Variants in PNPLA2 observed in about 807,000 individuals in gnomAD.
PNPLA2 encodes patatin-like phospholipase domain-containing protein 2.
Under a neutral mutation model 39.7 loss-of-function variants are expected in PNPLA2, and 28 were observed. The ratio of observed to expected loss-of-function variants is 0.70; its 90% CI spans 0.52 to 0.97. The LOEUF (loss-of-function observed/expected upper bound fraction) is 0.97. Ranked by LOEUF, PNPLA2 falls within the 50% of genes least tolerant of loss-of-function variation. PNPLA2 has a pLI of 0.00. For synonymous variants in PNPLA2, 392 were observed against 321.1 expected (o/e 1.22, Z -2.36); for missense variants, 768 against 698.2 (o/e 1.10, Z -1.13).
rs1159950368 is a variant in PNPLA2, at chr11:821,758, C to T, written c.318C>T (p.Ser106=). The part of the protein sequence containing the change: ...SFLLKVLPAD[S]HEHASGRLGI... Reference sequence around the variant, plus strand: ...TGCTGAAGGTCCTGCCTGCTGATAGCCATGAGCATGCCAGTGGGCGCCTGG... The same window carrying T: ...TGCTGAAGGTCCTGCCTGCTGATAGTCATGAGCATGCCAGTGGGCGCCTGG... The change falls in exon 3 of 10, where the codon AGC becomes AGT. Residue 106 remains serine, a synonymous_variant. Coordinates refer to ENST00000336615, the MANE Select transcript of PNPLA2 (RefSeq NM_020376.4). 1.2e-6 allele frequency: 2 copies of T among 1,613,892 alleles called. No homozygotes were observed. The highest frequency in any genetic ancestry group is 1.6e-4 in the Middle Eastern group (1 of 6,082).
chr11:824,700 C>T lies in PNPLA2; in HGVS notation c.1353C>T (p.Asn451=). ...TGCTGCTCGGCCTCTTCTGCACCAA[C>T]GTGGCCTTCCCGCCCGAAGCTCTGC... ...RQLLLGLFCT[N]VAFPPEALRM... is the part of the protein sequence containing the mutation. Residue 451 remains asparagine, a synonymous_variant, in exon 10 of 10, where the codon AAC becomes AAT. Coordinates refer to ENST00000336615, the MANE Select transcript of PNPLA2 (RefSeq NM_020376.4). The T allele has an allele frequency of 1.3e-6, 2 of 1,593,322 alleles. No homozygotes were observed. The highest frequency in any genetic ancestry group is 1.7e-4 in the Middle Eastern group (1 of 5,976).
At chr11:822,291 G>T in intron 4 of PNPLA2, 106 bp from the exon 5 acceptor site, 1 of 1,037,568 alleles carries the variant, frequency 9.6e-7, no homozygotes. Flanking sequence ...CTCAAATGAG[G>T]TAGCCACTGA....
intron 5 of PNPLA2, among the ~76,000 whole-genome samples, chr11:823,006 G>A (rs1260285816): frequency 6.6e-6 from 1 of 150,904 alleles, no homozygotes; most frequent in Non-Finnish European, 1.5e-5. Flanking sequence ...TGTATTTTTA[G>A]TAAAGAAATA....
chr11:821,577 G>T (rs753678494), intron 2 of PNPLA2, 51 bp from the exon 3 acceptor site: 5 of 1,288,162 alleles, frequency 3.9e-6, no homozygotes, highest in Non-Finnish European at 1.1e-6. Context: ...AGGAAGGTGG[G>T]TGTTGCTAAG....
intron 6 of PNPLA2, 32 bp downstream of exon 6, chr11:823,619 G>C (rs1845745457): frequency 1.2e-6 from 2 of 1,604,156 alleles, no homozygotes; most frequent in Non-Finnish European, 1.7e-6. Context: ...AGGGCGGGGT[G>C]GGCTCGGCTC....
rs1845603161 is a variant in PNPLA2, at chr11:819,682, C to A, written c.-37C>A. 2.7e-6 allele frequency: 4 copies of A among 1,467,576 alleles called. No homozygotes were observed. The highest frequency in any genetic ancestry group is 2.7e-6 in the Non-Finnish European group (3 of 1,110,106). 90.9% of individuals were successfully genotyped at this position (1,467,576 alleles called of 1,614,324 possible). A position where few individuals can be genotyped will look rare whatever the true frequency, so the allele number is the denominator to read the frequency against. ...AGCAGGCGGCTCACAGAGGCCTGGC[C>A]GCCCACGGAACCCGGGGCCCGGCGG... is the stretch of plus-strand genomic sequence containing the variant. On this transcript the variant is annotated 5_prime_UTR_variant, in exon 2 of 10. Transcript: ENST00000336615.
chr11:819,962 G>T, intron 2 of PNPLA2, 57 bp downstream of exon 2: 1 of 1,243,778 alleles, frequency 8.0e-7, no homozygotes, highest in South Asian at 2.1e-5. Context: ...TGCGGGGCCG[G>T]GGGATGGTCT....
Position 823,980 on chromosome 11 carries a change from C to T in PNPLA2, c.920-18C>T, listed in dbSNP as rs376110963. On this transcript the variant is annotated intron_variant, in intron 7 of 9. Coordinates refer to ENST00000336615, the MANE Select transcript of PNPLA2 (RefSeq NM_020376.4). ...CCCCGCTGCCTCCACTGGCCGCCGA[C>T]CTCCCGCCCACCCGCAGCCCTGCTG... The T allele has an allele frequency of 1.3e-6, 2 of 1,592,202 alleles. No homozygotes were observed. Among genetic ancestry groups the T allele is most frequent in the Non-Finnish European group, 1.7e-6 (2 of 1,171,942 alleles).
Position 819,353 on chromosome 11 carries a change from G to C in PNPLA2, c.-145-221G>C, listed in dbSNP as rs1445410828. On this transcript the variant is annotated intron_variant, in intron 1 of 9. Transcript: ENST00000336615. ...CCCAGCCCACCCTACACCCCTAGGCGTGTGCCCCCAGCCGTGCCCAGCAGG... is the reference window on the plus strand; with the variant it reads ...CCCAGCCCACCCTACACCCCTAGGCCTGTGCCCCCAGCCGTGCCCAGCAGG... 3.1e-6 allele frequency: 3 copies of C among 954,120 alleles called. No individual in the cohort carries two copies. The African/African-American group carries it at 5.3e-5, about 17-fold the overall frequency. 59.1% of individuals were successfully genotyped at this position (954,120 alleles called of 1,614,324 possible). A position where few individuals can be genotyped will look rare whatever the true frequency, so the allele number is the denominator to read the frequency against.
In PNPLA2 at chr11:825,082, G is replaced by C. The variant is rs1045906913; in HGVS notation, c.*220G>C. The C allele has an allele frequency of 3.4e-6, 2 of 591,516 alleles. No homozygotes were observed. The highest frequency in any genetic ancestry group is 6.0e-6 in the Non-Finnish European group (2 of 332,632). The allele number at this position is 591,516 out of a possible 1,614,324, so 36.6% of individuals were successfully genotyped here. On this transcript the variant is annotated 3_prime_UTR_variant, in exon 10 of 10. Transcript: ENST00000336615. ...TAATCTTCCCTCCCCTGTGCTGCCC[G>C]AGCACCTCCCCCGCCCCTTTACTCC...
intron 8 of PNPLA2, 76 bp from the exon 9 acceptor site, chr11:824,238 G>C: frequency 6.5e-7 from 1 of 1,548,418 alleles, no homozygotes; most frequent in Admixed American, 2.0e-5. Context: ...TGCCAAGTCA[G>C]GGCACAGACA....
rs1317336398 is a variant in PNPLA2 at position 821,648 on chromosome 11, A to T, written c.208A>T (p.Ile70Phe). The T allele has an allele frequency of 8.7e-6, 14 of 1,613,628 alleles. No homozygotes were observed. The highest frequency in any genetic ancestry group is 1.3e-5 in the African/African-American group (1 of 74,926). ...VCLGEAGAKF[I>F]EVSKEARKRF... The stretch of plus-strand genomic sequence containing the variant: ...CCCAGGTGAGGCTGGTGCCAAGTTC[A>T]TTGAGGTATCTAAAGAGGCCCGGAA... Residue 70 changes from isoleucine (I) to phenylalanine (F), a missense_variant, in exon 3 of 10, where the codon ATT (isoleucine) becomes TTT (phenylalanine). Transcript: ENST00000336615.
rs200260812 is a variant in PNPLA2, at chr11:822,004, C to T, written c.467C>T (p.Pro156Leu). Residue 156 changes from proline (P) to leucine (L), a missense_variant, in exon 4 of 10, where the codon CCT becomes CTT. Coordinates refer to ENST00000336615, the MANE Select transcript of PNPLA2 (RefSeq NM_020376.4). ...GFIPVYCGLI[P>L]PSLQGVRYVD... ...ATCCCCGTGTACTGTGGGCTCATCCCTCCCTCCCTCCAGGGGGTGGTGAGT... is the reference window on the plus strand; with the variant it reads ...ATCCCCGTGTACTGTGGGCTCATCCTTCCCTCCCTCCAGGGGGTGGTGAGT... 1 of 1,612,218 alleles carries T rather than the reference C, an allele frequency of 6.2e-7. No homozygotes were observed.
At position 823,843 on chromosome 11, in the gene PNPLA2, C is replaced by G. The variant is rs772421048; in HGVS notation, c.907C>G (p.Arg303Gly). ...EDHILEHLPARLNEALLEACV... is the reference protein window; with the variant it reads ...EDHILEHLPAGLNEALLEACV... ...TCACATCCTGGAGCACCTGCCCGCC[C>G]GGCTCAATGAGGGTGCGCACCTGGG... Residue 303 changes from arginine to glycine, a missense_variant, in exon 7 of 10, where the codon CGG (arginine) becomes GGG (glycine). By Grantham distance (125) the Arg-to-Gly change is moderately radical. Transcript: ENST00000336615. The G allele has an allele frequency of 2.2e-5, 35 of 1,588,636 alleles. No individual in the cohort carries two copies. The highest frequency in any genetic ancestry group is 3.5e-5 in the Admixed American group (2 of 56,722).
Position 825,121 on chromosome 11 carries a change from G to C in PNPLA2, c.*259G>C. ...CCCCTTTACTCCTGAGAACTTTGCA[G>C]CTGCCCTTCCCTCCCCGTTTTTCAT... On this transcript the variant is annotated 3_prime_UTR_variant, in exon 10 of 10. Coordinates refer to ENST00000336615, the MANE Select transcript of PNPLA2 (RefSeq NM_020376.4). 1 of 563,072 alleles carries C rather than the reference G, an allele frequency of 1.8e-6. No individual in the cohort carries two copies. 34.9% of individuals were successfully genotyped at this position (563,072 alleles called of 1,614,324 possible).
rs199498817 is a variant in PNPLA2, at chr11:822,624, G to C, written c.696+18G>C. On this transcript the variant is annotated intron_variant, in intron 5 of 9. Coordinates refer to ENST00000336615, the MANE Select transcript of PNPLA2 (RefSeq NM_020376.4). ...AGCCCCTGGTGAGCTCTGCTCCGAGGACTGTGGCCTTCCCAGCCACTCCTC... is the reference window on the plus strand; with the variant it reads ...AGCCCCTGGTGAGCTCTGCTCCGAGCACTGTGGCCTTCCCAGCCACTCCTC... The C allele has an allele frequency of 3.1e-6, 5 of 1,596,938 alleles. No homozygotes were observed. Among genetic ancestry groups the C allele is most frequent in the Non-Finnish European group, 4.3e-6 (5 of 1,166,190 alleles).
In PNPLA2 at chr11:824,446, C is replaced by G. The variant is rs752411397; in HGVS notation, c.1175+10C>G. 4 of 1,551,984 alleles carry G rather than the reference C, an allele frequency of 2.6e-6. No homozygotes were observed. Among genetic ancestry groups the G allele is most frequent in the Non-Finnish European group, 3.5e-6 (4 of 1,148,306 alleles). On this transcript the variant is annotated intron_variant, in intron 9 of 9. Transcript: ENST00000336615. ...GGCACCTGCCCTCCAGGTGAGCCGCCGACCGCGCGTCCACCCGGGGCCCGC... is the reference window on the plus strand; with the variant it reads ...GGCACCTGCCCTCCAGGTGAGCCGCGGACCGCGCGTCCACCCGGGGCCCGC...
intron 2 of PNPLA2, 116 bp from the exon 3 acceptor site, chr11:821,512 C>A: frequency 1.3e-6 from 1 of 778,048 alleles, no homozygotes; most frequent in Non-Finnish European, 2.2e-6. Flanking sequence ...GCCCCACATT[C>A]ACTGGGCCTC....
chr11:821,266 T>C, intron 2 of PNPLA2: 1 of 360,936 alleles, frequency 2.8e-6, no homozygotes, highest in Non-Finnish European at 5.2e-6. Flanking sequence ...ATGGGTTTTG[T>C]GGGTCTGCCC....
Sources: gnomAD v4.1 joint callset for allele counts (sites outside exome capture counted in the v4.1 genomes callset) on GRCh38, gnomAD v4.1.1 for gene constraint, MANE v1.5 for transcripts, NCBI Gene and HGNC (gene_info 2026-07-23, HGNC 2026-07-21) for gene names.